Variants in NUBPL observed in about 807,000 individuals in gnomAD.
The protein encoded by NUBPL is NUBP iron-sulfur cluster assembly factor, mitochondrial, also known as iron-sulfur cluster transfer protein NUBPL.
In NUBPL, 31 loss-of-function variants were observed where a neutral mutation model predicts 45.7. The ratio of observed to expected loss-of-function variants is 0.68; its 90% CI spans 0.51 to 0.92. NUBPL has a LOEUF of 0.92. Among genes scored for constraint, NUBPL ranks in the 40% least tolerant of loss-of-function variants. The pLI is 0.00. For synonymous variants in NUBPL, 144 were observed against 140.9 expected, an observed-to-expected ratio of 1.02 and a Z score of -0.15; for missense variants, 401 against 398.7, an observed-to-expected ratio of 1.01 and a Z score of -0.05.
intron 6 of NUBPL, among the ~76,000 whole-genome samples, chr14:31,676,187 C>G (rs1181414917): frequency 1.3e-5 from 2 of 152,062 alleles, no homozygotes; most frequent in East Asian, 1.9e-4. Context: ...CCACGCCTGG[C>G]TAATTTTGTA....
chr14:31,787,346 T>G (rs2039302663), intron 6 of NUBPL, among the ~76,000 whole-genome samples: 1 of 152,180 alleles, frequency 6.6e-6, no homozygotes, highest in Non-Finnish European at 1.5e-5. Flanking sequence ...AGTTTTGGGT[T>G]TCATTATTAG....
At position 31,692,738 on chromosome 14, in the gene NUBPL, G is replaced by C. The variant is rs149196718; in HGVS notation, c.513+19164G>C. 1.9e-3 allele frequency among the ~76,000 whole-genome samples: 285 copies of C among 152,272 alleles called. 2 individuals carry two copies. Among genetic ancestry groups the C allele is most frequent in the African/African-American group, 6.5e-3 (271 of 41,560 alleles). ...GAATAAGGAATATTCTCAGCTTTTG[G>C]TTTCCTAAAGAATTTTGATTCTGAG... is the stretch of plus-strand genomic sequence containing the variant. On this transcript the variant is annotated intron_variant, in intron 6 of 10. Transcript: ENST00000281081.
intron 6 of NUBPL, among the ~76,000 whole-genome samples, chr14:31,691,991 G>A (rs1229103237): frequency 2.0e-5 from 3 of 152,144 alleles, no homozygotes; most frequent in Non-Finnish European, 4.4e-5. Flanking sequence ...GTTCATGAAT[G>A]CATTTTGTGA....
rs369463771 is a variant in NUBPL at position 31,693,834 on chromosome 14, T to C, written c.513+20260T>C. 4.0e-3 allele frequency among the ~76,000 whole-genome samples: 561 copies of C among 138,668 alleles called. 10 individuals are homozygous for C. Among genetic ancestry groups the C allele is most frequent in the African/African-American group, 0.014 (524 of 36,572 alleles). The allele number at this position is 138,668 out of a possible 152,430, so 91.0% of individuals were successfully genotyped here. A position where few individuals can be genotyped will look rare whatever the true frequency, so the allele number is the denominator to read the frequency against. The stretch of plus-strand genomic sequence containing the variant: ...AAAAAAAAAAAAAAACCTTTAAACA[T>C]GAGGTAGATTTTCTTTTCTTTTCTT... On this transcript the variant is annotated intron_variant, in intron 6 of 10. Transcript: ENST00000281081.
chr14:31,824,058 C>T (rs1201300193), intron 7 of NUBPL, among the ~76,000 whole-genome samples: 4 of 152,036 alleles, frequency 2.6e-5, no homozygotes, highest in Non-Finnish European at 5.9e-5. Flanking sequence ...CCAGCAACGT[C>T]TAAGGCATTT....
chr14:31,713,748 A>G (rs1383719973), intron 6 of NUBPL, among the ~76,000 whole-genome samples: 1 of 152,160 alleles, frequency 6.6e-6, no homozygotes, highest in East Asian at 1.9e-4. Flanking sequence ...ACTATTTAAA[A>G]TCTGCTTTGT....
chr14:31,716,038 T>G (rs991394770), intron 6 of NUBPL, among the ~76,000 whole-genome samples: 2 of 152,108 alleles, frequency 1.3e-5, no homozygotes, highest in African/African-American at 4.8e-5. Context: ...GGTCAAAAAC[T>G]TAGACACAGA....
chr14:31,602,246 G>C (rs1045261877), intron 4 of NUBPL, among the ~76,000 whole-genome samples: 6 of 151,976 alleles, frequency 3.9e-5, no homozygotes, highest in Non-Finnish European at 8.8e-5. Flanking sequence ...TTGTGGGGTG[G>C]GAGGAGGGGG....
intron 6 of NUBPL, among the ~76,000 whole-genome samples, chr14:31,742,591 A>G (rs1317915221): frequency 6.6e-6 from 1 of 152,008 alleles, no homozygotes; most frequent in Non-Finnish European, 1.5e-5. Context: ...CTGTGCCATA[A>G]TCCTAGGTTA....
intron 6 of NUBPL, among the ~76,000 whole-genome samples, chr14:31,775,762 GACTA>G (rs1164067412): frequency 7.2e-5 from 11 of 152,104 alleles, no homozygotes; most frequent in Non-Finnish European, 1.3e-4. Context: ...CCAATTTCTA[GACTA>G]ACTGAGTCTA....
chr14:31,772,795 A>C (rs574028239), intron 6 of NUBPL, among the ~76,000 whole-genome samples: 59 of 152,276 alleles, frequency 3.9e-4, no homozygotes, highest in African/African-American at 1.2e-3. Context: ...TTTATCTCTT[A>C]AAATTGTCTG....
chr14:31,622,695 C>T (rs2035097944), intron 4 of NUBPL, among the ~76,000 whole-genome samples: 1 of 152,220 alleles, frequency 6.6e-6, no homozygotes, highest in Admixed American at 6.5e-5. Context: ...TGCTGTTGGG[C>T]CTGCAAGTGC....
intron 6 of NUBPL, among the ~76,000 whole-genome samples, chr14:31,693,899 A>T (rs1341225873): frequency 8.1e-6 from 1 of 123,978 alleles, no homozygotes; most frequent in Non-Finnish European, 1.6e-5. Flanking sequence ...TCTGTTGCCC[A>T]GGCTGGAGTG....
At chr14:31,669,578 G>C (rs9805996) in intron 4 of NUBPL, among the ~76,000 whole-genome samples, 5,565 of 151,742 alleles carry the variant, frequency 0.037, 135 homozygotes, top group African/African-American at 0.078. Context: ...ATTAAACCTA[G>C]TACTCAATAG....
chr14:31,715,727 A>G (rs1168806660), intron 6 of NUBPL, among the ~76,000 whole-genome samples: 2 of 152,202 alleles, frequency 1.3e-5, no homozygotes, highest in Non-Finnish European at 2.9e-5. Flanking sequence ...GTGGTGAGTG[A>G]ATGTGATTGC....
chr14:31,649,136 T>TA (rs1187888024), intron 4 of NUBPL, among the ~76,000 whole-genome samples: 31 of 152,182 alleles, frequency 2.0e-4, no homozygotes, highest in African/African-American at 7.5e-4. Flanking sequence ...ACTTCACTGT[T>TA]ACACAATACT....
chr14:31,831,924 G>A (rs1339200223), intron 8 of NUBPL, among the ~76,000 whole-genome samples: 1 of 152,196 alleles, frequency 6.6e-6, no homozygotes, highest in Non-Finnish European at 1.5e-5. Context: ...CATAGAGGAA[G>A]TAAGGGAACA....
At chr14:31,653,602 G>T (rs1711534130) in intron 4 of NUBPL, among the ~76,000 whole-genome samples, 1 of 152,070 alleles carries the variant, frequency 6.6e-6, no homozygotes, top group Non-Finnish European at 1.5e-5. Context: ...CTGTTATTCT[G>T]TTCTTTTTCA....
At chr14:31,743,425 G>A (rs2038327817) in intron 6 of NUBPL, among the ~76,000 whole-genome samples, 1 of 152,068 alleles carries the variant, frequency 6.6e-6, no homozygotes, top group Admixed American at 6.5e-5. Context: ...TGTCGCCCAT[G>A]CTGGAGTGCA....
Sources: allele counts gnomAD v4.1 joint callset (sites outside exome capture counted in the v4.1 genomes callset), GRCh38; gene constraint gnomAD v4.1.1; transcripts MANE v1.5; gene names NCBI Gene and HGNC (gene_info 2026-07-23, HGNC 2026-07-21).